PLCZ1: variants seen among roughly 807,000 people sequenced by gnomAD.
PLCZ1 encodes the protein phospholipase C zeta 1.
In PLCZ1, 64 loss-of-function variants were observed where a neutral mutation model predicts 76.8. The ratio of observed to expected loss-of-function variants is 0.83; its 90% CI spans 0.68 to 1.03. PLCZ1 has a LOEUF of 1.03. Among genes scored for constraint, PLCZ1 ranks in the 50% least tolerant of loss-of-function variants. The probability of loss-of-function intolerance (pLI) is 0.00; values close to 1 mark genes in which losing one functional copy is unlikely to be tolerated. For missense variants in PLCZ1, 751 were observed against 713.7 expected (o/e 1.05, Z -0.60); for synonymous variants, 248 against 230.8 (o/e 1.07, Z -0.68).
chr12:18,666,016 T>A, the PLCZ1 span, among the ~76,000 whole-genome samples: 1 of 151,818 alleles, frequency 6.6e-6, no homozygotes, highest in Non-Finnish European at 1.5e-5. Context: ...TCGTATACTA[T>A]TAAATGTTAA....
intron 3 of PLCZ1, among the ~76,000 whole-genome samples, chr12:18,727,745 C>T (rs1958833377): frequency 6.6e-6 from 1 of 152,090 alleles, no homozygotes; most frequent in Non-Finnish European, 1.5e-5. Context: ...GATTTTCGTT[C>T]TAGAAAGATT....
intron 3 of PLCZ1, among the ~76,000 whole-genome samples, chr12:18,731,414 G>A (rs1565742370): frequency 6.6e-6 from 1 of 151,884 alleles, no homozygotes; most frequent in East Asian, 1.9e-4. Context: ...ACTCTATAAT[G>A]CAACTCACTG....
rs943511232 is a variant in PLCZ1, at chr12:18,723,291, A to T, written c.367+20T>A. ...CTTCACATATAAATATTCCGATAAAAGTTTGAAATGCAAACATACCTTCTT... is the reference window on the plus strand; with the variant it reads ...CTTCACATATAAATATTCCGATAAATGTTTGAAATGCAAACATACCTTCTT... On this transcript the variant is annotated intron_variant, in intron 4 of 14. Coordinates refer to ENST00000266505, the MANE Select transcript of PLCZ1 (RefSeq NM_033123.4). 1.3e-6 allele frequency: 2 copies of T among 1,584,194 alleles called. No homozygotes were observed. The highest frequency in any genetic ancestry group is 1.3e-5 in the African/African-American group (1 of 74,152).
intron 6 of PLCZ1, among the ~76,000 whole-genome samples, chr12:18,711,098 G>A (rs527883397): frequency 3.3e-5 from 5 of 151,744 alleles, no homozygotes; most frequent in East Asian, 2.0e-4. Flanking sequence ...TGTTTATTGC[G>A]GCACTATTCA....
rs1201715907 is a variant in PLCZ1, at chr12:18,690,005, G to A, written c.1462-1787C>T. On this transcript the variant is annotated intron_variant, in intron 12 of 14. Transcript: ENST00000266505. ...CTCCATGCCAGTTACACCTCAACAAGAGACTCCTCAGAATACAAACGTGGC... is the reference window on the plus strand; with the variant it reads ...CTCCATGCCAGTTACACCTCAACAAAAGACTCCTCAGAATACAAACGTGGC... Among the ~76,000 whole-genome samples, 7 of 152,112 alleles carry A rather than the reference G, an allele frequency of 4.6e-5. No homozygotes were observed. In the East Asian group the frequency reaches 9.7e-4, roughly 21 times the overall value.
chr12:18,711,794 G>T (rs992693851), intron 6 of PLCZ1, among the ~76,000 whole-genome samples: 6 of 151,858 alleles, frequency 4.0e-5, no homozygotes, highest in African/African-American at 7.2e-5. Context: ...AGGCAGTTGT[G>T]TACTTTGGTG....
chr12:18,701,631 TCCTCCTC>T, intron 8 of PLCZ1, 54 bp downstream of exon 8: 7 of 1,585,272 alleles, frequency 4.4e-6, no homozygotes, highest in Non-Finnish European at 6.0e-6. Flanking sequence ...CTCCTCCTCC[TCCTCCTC>T]CTCCTCCTCC....
intron 12 of PLCZ1, among the ~76,000 whole-genome samples, chr12:18,689,342 G>T (rs11829756): frequency 6.6e-6 from 1 of 152,218 alleles, no homozygotes; most frequent in Non-Finnish European, 1.5e-5. Flanking sequence ...AGAATTTAGG[G>T]CAAGCTTGTC....
At chr12:18,672,716 C>A in the PLCZ1 span, among the ~76,000 whole-genome samples, 8 of 152,148 alleles carry the variant, frequency 5.3e-5, no homozygotes, top group Admixed American at 5.2e-4. Flanking sequence ...GGTGACCTCA[C>A]TGGGAGGAAA....
At chr12:18,700,892 G>C (rs1352601760) in intron 9 of PLCZ1, among the ~76,000 whole-genome samples, 2 of 151,858 alleles carry the variant, frequency 1.3e-5, no homozygotes, top group East Asian at 3.9e-4. Context: ...CTTTACTTGG[G>C]ACCAGGGAAA....
In PLCZ1 at chr12:18,723,405, A is replaced by G; in HGVS notation, c.273T>C (p.Asn91=). ...GTTCTTGTGTCAGAAATTGAGCCAG[A>G]TTACTTGCTAAAAGAATTTTCCGGT... The part of the protein sequence containing the change: ...SENRKILLAS[N]LAQFLTQEQY... Residue 91 remains asparagine, a synonymous_variant, in exon 4 of 15, where the codon AAT becomes AAC. Coordinates refer to ENST00000266505, the MANE Select transcript of PLCZ1 (RefSeq NM_033123.4). 6.2e-7 allele frequency: 1 copy of G among 1,613,034 alleles called. No homozygotes were observed. The highest frequency in any genetic ancestry group is 8.5e-7 in the Non-Finnish European group (1 of 1,179,442).
chr12:18,654,263 T>A, the PLCZ1 span, among the ~76,000 whole-genome samples: 16 of 149,064 alleles, frequency 1.1e-4, no homozygotes, highest in African/African-American at 4.0e-4. Flanking sequence ...ACATTTTAGT[T>A]ATTGCCATTT....
chr12:18,695,898 C>A (rs1954906932), intron 11 of PLCZ1, among the ~76,000 whole-genome samples: 1 of 151,970 alleles, frequency 6.6e-6, no homozygotes, highest in Admixed American at 6.6e-5. Flanking sequence ...CTCCACTACA[C>A]ATGTCTCATA....
Position 18,737,357 on chromosome 12 carries a change from A to G in PLCZ1, c.11+4T>C, listed in dbSNP as rs1219517334. 1 of 1,613,072 alleles carries G rather than the reference A, an allele frequency of 6.2e-7. No individual in the cohort carries two copies. The highest frequency in any genetic ancestry group is 2.2e-5 in the East Asian group (1 of 44,860). On this transcript the variant is annotated splice_donor_region_variant and intron_variant, in intron 2 of 14. Coordinates refer to ENST00000266505, the MANE Select transcript of PLCZ1 (RefSeq NM_033123.4). ...AGGAGCAGAAAGAAGCTCTCAATGG[A>G]TATCTCATTTCCATAGTTTCATGAC...
chr12:18,696,348 A>ATATATATATATATATATATATC lies in PLCZ1; in HGVS notation c.1175-83_1175-82insGATATATATATATATATATATA, dbSNP rs10523511. Reference sequence around the variant, plus strand: ...TATATATATATATATATATATATATATATCATATAATTCTATAATAGTTTC... The same window carrying ATATATATATATATATATATATC: ...TATATATATATATATATATATATATATATATATATATATATATATATCTATCATATAATTCTATAATAGTTTC... On this transcript the variant is annotated intron_variant, in intron 10 of 14. Transcript: ENST00000266505. 116 of 214,244 alleles carry ATATATATATATATATATATATC rather than the reference A, an allele frequency of 5.4e-4. 1 individual carries two copies. The highest frequency in any genetic ancestry group is 2.5e-3 in the East Asian group (18 of 7,062). The allele number at this position is 214,244 out of a possible 1,614,324, so 13.3% of individuals were successfully genotyped here.
intron 3 of PLCZ1, among the ~76,000 whole-genome samples, chr12:18,732,211 G>A (rs563387590): frequency 1.2e-4 from 19 of 152,206 alleles, no homozygotes; most frequent in African/African-American, 3.4e-4. Context: ...GAGAGCAGCG[G>A]TGCCATCACA....
At chr12:18,693,796 G>C (rs57221397) in intron 12 of PLCZ1, 1 of 1,510,036 alleles carries the variant, frequency 6.6e-7, no homozygotes, top group East Asian at 2.3e-5. Context: ...TGGATCCAGC[G>C]CTTATCAGAC....
chr12:18,709,531 C>CCT lies in PLCZ1; in HGVS notation c.714+3310_714+3311insAG, dbSNP rs1957039702. Among the ~76,000 whole-genome samples the CCT allele has an allele frequency of 3.3e-5, 5 of 150,474 alleles. No homozygotes were observed. In the South Asian group the frequency reaches 1.1e-3, roughly 32 times the overall value. The stretch of plus-strand genomic sequence containing the variant: ...TTATCCTTCTTTACAAATTTTAGGA[C>CCT]TTTTTTTTTATTTCTATGAATAATG... On this transcript the variant is annotated intron_variant, in intron 6 of 14. Coordinates refer to ENST00000266505, the MANE Select transcript of PLCZ1 (RefSeq NM_033123.4).
intron 4 of PLCZ1, among the ~76,000 whole-genome samples, chr12:18,720,916 A>T (rs1565729559): frequency 6.6e-6 from 1 of 152,152 alleles, no homozygotes; most frequent in Non-Finnish European, 1.5e-5. Context: ...ATGACATCAT[A>T]AAAATGAAGA....
Sources: gnomAD v4.1 joint callset for allele counts (sites outside exome capture counted in the v4.1 genomes callset) on GRCh38, gnomAD v4.1.1 for gene constraint, MANE v1.5 for transcripts, NCBI Gene and HGNC (gene_info 2026-07-23, HGNC 2026-07-21) for gene names.